Variants in ARMH3 observed in about 807,000 individuals in gnomAD.
ARMH3 encodes the protein armadillo like helical domain containing 3.
A neutral mutation model predicts 99.1 loss-of-function variants in ARMH3; 60 were observed. That is an observed-to-expected ratio of 0.61 (90% confidence interval 0.49 to 0.75). The LOEUF is 0.75. Among genes scored for constraint, ARMH3 ranks in the 30% least tolerant of loss-of-function variants. ARMH3 has a pLI of 0.00. For synonymous variants in ARMH3, 285 were observed against 292.8 expected, an observed-to-expected ratio of 0.97 and a Z score of 0.27; for missense variants, 679 against 843.1, an observed-to-expected ratio of 0.81 and a Z score of 2.41.
intron 24 of ARMH3, among the ~76,000 whole-genome samples, chr10:101,865,466 T>C (rs552949302): frequency 6.6e-6 from 1 of 152,124 alleles, no homozygotes; most frequent in Non-Finnish European, 1.5e-5. Flanking sequence ...TAAAATTAAC[T>C]GTAGTACCTA....
At chr10:102,022,164 C>T (rs746566533) in intron 8 of ARMH3, among the ~76,000 whole-genome samples, 10 of 151,998 alleles carry the variant, frequency 6.6e-5, no homozygotes, top group Non-Finnish European at 1.3e-4. Flanking sequence ...CTCATGTTCA[C>T]GACAACAAAA....
chr10:102,002,769 T>C (rs2066392104), intron 14 of ARMH3, among the ~76,000 whole-genome samples: 1 of 151,884 alleles, frequency 6.6e-6, no homozygotes, highest in South Asian at 2.1e-4. Flanking sequence ...GAGGTCAGCC[T>C]GGCCAACATG....
chr10:101,958,208 C>G (rs949980100), intron 20 of ARMH3, among the ~76,000 whole-genome samples: 1 of 152,156 alleles, frequency 6.6e-6, no homozygotes, highest in African/African-American at 2.4e-5. Flanking sequence ...CCAGATATAG[C>G]AGCTATACTG....
intron 1 of ARMH3, among the ~76,000 whole-genome samples, chr10:102,054,055 ATGAC>A (rs2067776531): frequency 6.6e-6 from 1 of 152,190 alleles, no homozygotes; most frequent in South Asian, 2.1e-4. Context: ...AAATTTCATA[ATGAC>A]TGCTTTGAGG....
chr10:102,017,385 TC>T (rs2066773358), intron 8 of ARMH3, among the ~76,000 whole-genome samples: 1 of 152,134 alleles, frequency 6.6e-6, no homozygotes. Context: ...CATACTTCAT[TC>T]CAGAAATATG....
At chr10:101,978,253 A>G (rs1282309187) in intron 19 of ARMH3, among the ~76,000 whole-genome samples, 6 of 149,972 alleles carry the variant, frequency 4.0e-5, no homozygotes, top group African/African-American at 1.5e-4. Context: ...CATTACACAC[A>G]TGTTCCAGAT....
At chr10:101,891,449 G>C (rs190867920) in intron 23 of ARMH3, among the ~76,000 whole-genome samples, 1 of 152,228 alleles carries the variant, frequency 6.6e-6, no homozygotes, top group African/African-American at 2.4e-5. Flanking sequence ...CACTCACCTT[G>C]GTCTCCCAAA....
At chr10:102,017,786 T>A (rs997546059) in intron 8 of ARMH3, among the ~76,000 whole-genome samples, 1 of 152,180 alleles carries the variant, frequency 6.6e-6, no homozygotes. Context: ...TCCAAGACAA[T>A]GAAAACAATC....
intron 24 of ARMH3, among the ~76,000 whole-genome samples, chr10:101,873,022 A>AT (rs1483313609): frequency 6.6e-6 from 1 of 152,100 alleles, no homozygotes; most frequent in Admixed American, 6.6e-5. Flanking sequence ...TTAAAGACTC[A>AT]TAATTCCCAG....
chr10:101,976,146 G>T (rs1217362319), intron 19 of ARMH3, among the ~76,000 whole-genome samples: 2 of 133,652 alleles, frequency 1.5e-5, no homozygotes, highest in Non-Finnish European at 3.2e-5. Flanking sequence ...TCCAGCCTGG[G>T]TGACAGAGTG....
intron 23 of ARMH3, among the ~76,000 whole-genome samples, chr10:101,910,647 G>A (rs972798160): frequency 6.6e-6 from 1 of 151,430 alleles, no homozygotes; most frequent in South Asian, 2.1e-4. Flanking sequence ...CATAAGAATC[G>A]CTTGAGCCTG....
intron 24 of ARMH3, among the ~76,000 whole-genome samples, chr10:101,857,283 C>T (rs552884143): frequency 1.3e-5 from 2 of 152,252 alleles, no homozygotes; most frequent in South Asian, 2.1e-4. Context: ...CATGGTGAAA[C>T]GCCATCTCTA....
chr10:102,001,866 C>G (rs951835054), intron 15 of ARMH3, 105 bp downstream of exon 15: 2 of 1,019,788 alleles, frequency 2.0e-6, no homozygotes, highest in African/African-American at 3.2e-5. Context: ...CACAAGGCCC[C>G]AATAGTTCAT....
At chr10:101,897,841 T>C (rs1236944877) in intron 23 of ARMH3, among the ~76,000 whole-genome samples, 2 of 152,150 alleles carry the variant, frequency 1.3e-5, no homozygotes, top group Non-Finnish European at 2.9e-5. Context: ...CTGCAGAAGA[T>C]AGAGGTCACT....
At chr10:101,937,438 G>C (rs560180301) in intron 23 of ARMH3, among the ~76,000 whole-genome samples, 1 of 151,912 alleles carries the variant, frequency 6.6e-6, no homozygotes, top group East Asian at 1.9e-4. Flanking sequence ...AAGACTGCTT[G>C]AGCCTGGGAA....
rs1272037129 is a variant in ARMH3, at chr10:101,847,421, T to C, written c.*107A>G. 1.2e-5 allele frequency: 13 copies of C among 1,125,822 alleles called. No individual in the cohort carries two copies. The highest frequency in any genetic ancestry group is 4.6e-5 in the African/African-American group (3 of 64,856). The allele number at this position is 1,125,822 out of a possible 1,614,324, so 69.7% of individuals were successfully genotyped here. A position where few individuals can be genotyped will look rare whatever the true frequency, so the allele number is the denominator to read the frequency against. On this transcript the variant is annotated 3_prime_UTR_variant, in exon 26 of 26. Coordinates refer to ENST00000370033, the MANE Select transcript of ARMH3 (RefSeq NM_024541.3). Reference sequence around the variant, plus strand: ...GTCTTCACCAAGAGAACTTGGTATCTGTGTTTCTCTCCAACCTCGGGGGCA... The same window carrying C: ...GTCTTCACCAAGAGAACTTGGTATCCGTGTTTCTCTCCAACCTCGGGGGCA...
intron 1 of ARMH3, among the ~76,000 whole-genome samples, chr10:102,042,412 T>C (rs542576755): frequency 6.6e-6 from 1 of 152,348 alleles, no homozygotes; most frequent in South Asian, 2.1e-4. Flanking sequence ...ATAAATTCAC[T>C]TTCTCTATTT....
chr10:102,007,656 T>TAAAAAA (rs961346897), intron 13 of ARMH3, among the ~76,000 whole-genome samples: 3 of 54,962 alleles, frequency 5.5e-5, no homozygotes, highest in Admixed American at 2.3e-4. Context: ...CTGTCTCTAC[T>TAAAAAA]AAAAAAAAAA....
At chr10:101,995,430 GTATATCA>G (rs1161995426) in intron 15 of ARMH3, 75 bp from the exon 16 acceptor site, 1 of 1,231,796 alleles carries the variant, frequency 8.1e-7, no homozygotes, top group African/African-American at 1.5e-5. Flanking sequence ...GAACAAGGAC[GTATATCA>G]TAAAAGGAAA....
Sources: allele counts gnomAD v4.1 joint callset (sites outside exome capture counted in the v4.1 genomes callset), GRCh38; gene constraint gnomAD v4.1.1; transcripts MANE v1.5; gene names NCBI Gene and HGNC (gene_info 2026-07-23, HGNC 2026-07-21).